ACOX3: variants seen among roughly 807,000 people sequenced by gnomAD.
ACOX3 encodes peroxisomal acyl-coenzyme A oxidase 3.
Under a neutral mutation model 81.5 loss-of-function variants are expected in ACOX3, and 73 were observed. The ratio of observed to expected loss-of-function variants is 0.90; its 90% CI spans 0.74 to 1.09. The LOEUF (loss-of-function observed/expected upper bound fraction) is 1.09, where lower values mean the gene tolerates loss of function less well. Ranked by LOEUF, ACOX3 falls within the 50% of genes least tolerant of loss-of-function variation. The pLI is 0.00. For synonymous variants in ACOX3, 387 were observed against 375.1 expected (o/e 1.03, Z -0.37); for missense variants, 947 against 928.0 (o/e 1.02, Z -0.27).
intron 1 of ACOX3, among the ~76,000 whole-genome samples, chr4:8,428,815 C>T (rs1723766683): frequency 6.6e-6 from 1 of 152,224 alleles, no homozygotes; most frequent in South Asian, 2.1e-4. Flanking sequence ...TGGCTCATGC[C>T]TGTAATCCCA....
In ACOX3 at chr4:8,385,042, G is replaced by A. The variant is rs1406579890; in HGVS notation, c.1538-3435C>T. Among the ~76,000 whole-genome samples the A allele has an allele frequency of 6.6e-6, 1 of 152,136 alleles. No individual in the cohort carries two copies. Among genetic ancestry groups the A allele is most frequent in the East Asian group, 1.9e-4 (1 of 5,182 alleles). The stretch of plus-strand genomic sequence containing the variant: ...CACACGCAGCAGCCCCCCACCGAGG[G>A]CACCATGGCCTGGCCCCTGCCAGGT... On this transcript the variant is annotated intron_variant, in intron 13 of 17. Coordinates refer to ENST00000356406, the MANE Select transcript of ACOX3 (RefSeq NM_003501.3). The surrounding 1 kb of genome is among the most constrained non-coding windows in gnomAD (Gnocchi z 5.5).
chr4:8,376,555 G>A (rs1560169093), intron 14 of ACOX3, among the ~76,000 whole-genome samples: 1 of 152,120 alleles, frequency 6.6e-6, no homozygotes, highest in Non-Finnish European at 1.5e-5. Flanking sequence ...CAGGAGCCTC[G>A]GGAAAACAGA....
the ACOX3 span, among the ~76,000 whole-genome samples, chr4:8,360,582 C>T: frequency 6.6e-6 from 1 of 151,812 alleles, no homozygotes; most frequent in Non-Finnish European, 1.5e-5. Flanking sequence ...TGCCATTCTC[C>T]TGCCTCAGCC....
intron 3 of ACOX3, among the ~76,000 whole-genome samples, chr4:8,415,419 T>C (rs942757257): frequency 1.3e-5 from 2 of 150,718 alleles, no homozygotes; most frequent in East Asian, 3.9e-4. Context: ...ATTTTTTTAT[T>C]TTTTTTTTAA....
chr4:8,433,444 G>A (rs1724063106), intron 1 of ACOX3, among the ~76,000 whole-genome samples: 1 of 152,254 alleles, frequency 6.6e-6, no homozygotes, highest in African/African-American at 2.4e-5. Flanking sequence ...TAGGAGAGAT[G>A]AATGGATTCT....
chr4:8,398,372 G>A (rs998311063), intron 8 of ACOX3, among the ~76,000 whole-genome samples: 3 of 152,072 alleles, frequency 2.0e-5, no homozygotes, highest in African/African-American at 4.8e-5. Flanking sequence ...ACGTGCATAG[G>A]TGCTTCCTTA....
At position 8,373,981 on chromosome 4, in the gene ACOX3, G is replaced by A. The variant is rs953390036; in HGVS notation, c.1829-353C>T. Reference sequence around the variant, plus strand: ...GGAGAAAGTGAGGAAGGGGCTCCTGGGCAGAGTGAAGCAGGGGTGCATGGC... The same window carrying A: ...GGAGAAAGTGAGGAAGGGGCTCCTGAGCAGAGTGAAGCAGGGGTGCATGGC... On this transcript the variant is annotated intron_variant, in intron 15 of 17. Transcript: ENST00000356406. 2.3e-4 allele frequency: 77 copies of A among 340,816 alleles called. 1 individual carries two copies. Among genetic ancestry groups the A allele is most frequent in the Non-Finnish European group, 3.2e-4 (58 of 181,006 alleles). The allele number at this position is 340,816 out of a possible 1,614,324, so 21.1% of individuals were successfully genotyped here.
chr4:8,396,763 A>G (rs1042214618), intron 9 of ACOX3, among the ~76,000 whole-genome samples, 174 bp downstream of exon 9: 2 of 152,062 alleles, frequency 1.3e-5, no homozygotes, highest in African/African-American at 4.8e-5. Flanking sequence ...TAAATTAAAA[A>G]CCATTTGCTG....
rs1042181903 is a variant in ACOX3 at position 8,419,255 on chromosome 4, G to A, written c.-14-2720C>T. 8.6e-5 allele frequency among the ~76,000 whole-genome samples: 13 copies of A among 151,916 alleles called. No homozygotes were observed. Among genetic ancestry groups the A allele is most frequent in the African/African-American group, 2.9e-4 (12 of 41,332 alleles). On this transcript the variant is annotated intron_variant, in intron 1 of 17. Coordinates refer to ENST00000356406, the MANE Select transcript of ACOX3 (RefSeq NM_003501.3). The surrounding 1 kb of genome is among the most constrained non-coding windows in gnomAD (Gnocchi z 4.2). Reference sequence around the variant, plus strand: ...TCAAGACCAGCCTGGCCAACATGGTGAAACCTCATCTCTACTAAAAATACA... The same window carrying A: ...TCAAGACCAGCCTGGCCAACATGGTAAAACCTCATCTCTACTAAAAATACA...
At chr4:8,361,290 G>C (rs1410564264), downstream of ACOX3, among the ~76,000 whole-genome samples, 1 of 151,748 alleles carries the variant, frequency 6.6e-6, no homozygotes, top group African/African-American at 2.4e-5. Context: ...GCCAGGCGTG[G>C]TTGTGGGCGC....
chr4:8,390,194 T>C (rs576902467), intron 11 of ACOX3, among the ~76,000 whole-genome samples: 15 of 150,736 alleles, frequency 1.0e-4, no homozygotes, highest in African/African-American at 3.4e-4. Flanking sequence ...AAAAAAAAAT[T>C]AGCTGGGCAT....
chr4:8,396,179 G>A (rs574166905), intron 9 of ACOX3, among the ~76,000 whole-genome samples: 1 of 152,166 alleles, frequency 6.6e-6, no homozygotes, highest in Non-Finnish European at 1.5e-5. Context: ...CCACGCCACT[G>A]TTCTAAATGC....
chr4:8,424,742 T>C (rs1723289850), intron 1 of ACOX3, among the ~76,000 whole-genome samples: 1 of 152,198 alleles, frequency 6.6e-6, no homozygotes, highest in African/African-American at 2.4e-5. Context: ...GAAGAAAAGA[T>C]AAAACATAAC....
rs989371875 is a variant in ACOX3, at chr4:8,414,592, C to T, written c.454-211G>A. On this transcript the variant is annotated intron_variant, in intron 4 of 17. Transcript: ENST00000356406. The surrounding 1 kb of genome is among the most constrained non-coding windows in gnomAD (Gnocchi z 6.1). ...AACCAAGCTGACCGCAGCTGCTCCA[C>T]GTCAGCAAGGTGGCAGGAACTGCTC... is the stretch of plus-strand genomic sequence containing the variant. 6.6e-5 allele frequency among the ~76,000 whole-genome samples: 10 copies of T among 152,302 alleles called. No homozygotes were observed. The East Asian group carries it at 7.7e-4, about 12-fold the overall frequency.
chr4:8,429,024 A>G (rs192526862), intron 1 of ACOX3, among the ~76,000 whole-genome samples: 2 of 151,984 alleles, frequency 1.3e-5, no homozygotes, highest in Admixed American at 6.5e-5. Context: ...CCCACCCTTT[A>G]CTTGTTTTTC....
Position 8,414,266 on chromosome 4 carries a change from G to C in ACOX3, c.543+26C>G, listed in dbSNP as rs762279223. On this transcript the variant is annotated intron_variant, in intron 5 of 17. Transcript: ENST00000356406. This position sits in a 1 kb window ranked among gnomAD's most constrained non-coding sequence, Gnocchi z 6.1. ...TGACGTCTCATATGCTCCAAACTCAGGGACCCGGGGGAAGGTAATACCTAC... is the reference window on the plus strand; with the variant it reads ...TGACGTCTCATATGCTCCAAACTCACGGACCCGGGGGAAGGTAATACCTAC... 1.9e-6 allele frequency: 3 copies of C among 1,599,534 alleles called. No individual in the cohort carries two copies. The African/African-American group carries it at 4.0e-5, about 21-fold the overall frequency.
In ACOX3 at chr4:8,366,724, G is replaced by A. The variant is rs1445277603; in HGVS notation, c.*237C>T. 3 of 425,190 alleles carry A rather than the reference G, an allele frequency of 7.1e-6. No individual in the cohort carries two copies. The highest frequency in any genetic ancestry group is 1.3e-5 in the Non-Finnish European group (3 of 234,720). 26.3% of individuals were successfully genotyped at this position (425,190 alleles called of 1,614,324 possible). On this transcript the variant is annotated 3_prime_UTR_variant, in exon 18 of 18. Transcript: ENST00000356406. Reference sequence around the variant, plus strand: ...AACCCACGGCGCATCAGGTAGACATGATCATCTGCATTTCTTTTCCACGCT... The same window carrying A: ...AACCCACGGCGCATCAGGTAGACATAATCATCTGCATTTCTTTTCCACGCT...
chr4:8,373,385 G>A (rs1405345587), intron 16 of ACOX3, among the ~76,000 whole-genome samples, 176 bp downstream of exon 16: 1 of 151,018 alleles, frequency 6.6e-6, no homozygotes, highest in Non-Finnish European at 1.5e-5. Flanking sequence ...AAGGGGGTGC[G>A]TGTCGGTCTG....
intron 11 of ACOX3, 138 bp downstream of exon 11, chr4:8,392,195 T>G (rs879408048): frequency 1.6e-5 from 18 of 1,135,142 alleles, no homozygotes; most frequent in Non-Finnish European, 2.1e-5. Flanking sequence ...TGGCTGGCTG[T>G]GTTCCAATAA....
Sources: allele counts gnomAD v4.1 joint callset (sites outside exome capture counted in the v4.1 genomes callset), GRCh38; gene constraint gnomAD v4.1.1; non-coding constraint Gnocchi (gnomAD v3.1); transcripts MANE v1.5; gene names NCBI Gene and HGNC (gene_info 2026-07-23, HGNC 2026-07-21).